Variants in SGCD observed in about 807,000 individuals in gnomAD.
The protein encoded by SGCD is sarcoglycan delta.
SGCD carries 18 observed loss-of-function variants against 36.6 expected under a neutral mutation model. That is an observed-to-expected ratio of 0.49 (90% CI 0.34 to 0.73). The LOEUF (loss-of-function observed/expected upper bound fraction) is 0.73. SGCD is among the 30% of genes least tolerant of loss of function. The pLI is 0.01. For synonymous variants in SGCD, 133 were observed against 130.6 expected, an observed-to-expected ratio of 1.02 and a Z score of -0.12; for missense variants, 387 against 346.7, an observed-to-expected ratio of 1.12 and a Z score of -0.92.
intron 1 of SGCD, among the ~76,000 whole-genome samples, chr5:155,945,843 G>C (rs899736073): frequency 6.6e-6 from 1 of 152,136 alleles, no homozygotes; most frequent in Non-Finnish European, 1.5e-5. Flanking sequence ...GGAGCGACTT[G>C]TTGTGATTTG....
chr5:156,284,864 T>G (rs946005788), intron 3 of SGCD, among the ~76,000 whole-genome samples: 1 of 152,060 alleles, frequency 6.6e-6, no homozygotes, highest in African/African-American at 2.4e-5. Context: ...ATTCAATTAG[T>G]AAAAAAGGAA....
Position 156,005,918 on chromosome 5 carries a change from A to C in SGCD, c.-281-111960A>C, listed in dbSNP as rs75318222. Reference sequence around the variant, plus strand: ...GGCACAAGCAGTGTTTTAAGGGCATAGACTTTAGTGCCAGATGGGTGGCCT... The same window carrying C: ...GGCACAAGCAGTGTTTTAAGGGCATCGACTTTAGTGCCAGATGGGTGGCCT... On this transcript the variant is annotated intron_variant, in intron 1 of 9. Coordinates refer to the SGCD transcript ENST00000517913. 7.4e-3 allele frequency among the ~76,000 whole-genome samples: 1,120 copies of C among 152,344 alleles called. 13 individuals are homozygous for C. The highest frequency in any genetic ancestry group is 0.026 in the African/African-American group (1,074 of 41,586).
At chr5:156,643,189 C>T (rs1382687683) in intron 6 of SGCD, among the ~76,000 whole-genome samples, 3 of 151,936 alleles carry the variant, frequency 2.0e-5, no homozygotes, top group Admixed American at 6.6e-5. Context: ...TGCACCACCA[C>T]GCCCGGCTAA....
the SGCD span, among the ~76,000 whole-genome samples, chr5:155,731,278 G>A: frequency 6.6e-6 from 1 of 151,674 alleles, no homozygotes; most frequent in Non-Finnish European, 1.5e-5. Flanking sequence ...AGAAAGGGAT[G>A]GAAGGGAAAA....
intron 3 of SGCD, among the ~76,000 whole-genome samples, chr5:156,217,892 TA>T (rs1286001233): frequency 1.3e-5 from 2 of 152,176 alleles, no homozygotes; most frequent in African/African-American, 4.8e-5. Context: ...TCTTTCATTA[TA>T]AAAATCATGG....
rs185571493 is a variant in SGCD at position 156,583,347 on chromosome 5, A to T, written c.295-5884A>T. ...TCAGTAAATGGCTGTTGCCTCTCCA[A>T]TTGCCAAGCAACACGAGGATTATCC... is the stretch of plus-strand genomic sequence containing the variant. On this transcript the variant is annotated intron_variant, in intron 4 of 8. Coordinates refer to ENST00000337851, the MANE Select transcript of SGCD (RefSeq NM_000337.6). 1.6e-4 allele frequency among the ~76,000 whole-genome samples: 24 copies of T among 152,264 alleles called. No homozygotes were observed. In the East Asian group the frequency reaches 4.4e-3, roughly 28 times the overall value.
intron 4 of SGCD, among the ~76,000 whole-genome samples, chr5:156,586,127 G>A (rs1006012606): frequency 6.6e-6 from 1 of 151,136 alleles, no homozygotes; most frequent in Admixed American, 6.6e-5. Context: ...ACCACCTTAT[G>A]TATAGCTCTC....
chr5:155,757,505 C>T, the SGCD span, among the ~76,000 whole-genome samples: 1 of 152,114 alleles, frequency 6.6e-6, no homozygotes, highest in East Asian at 1.9e-4. Context: ...ACTCAAGTGC[C>T]TTGTTTAGCC....
intron 3 of SGCD, among the ~76,000 whole-genome samples, chr5:156,413,135 A>G (rs1305560270): frequency 6.6e-6 from 1 of 152,114 alleles, no homozygotes; most frequent in Non-Finnish European, 1.5e-5. Flanking sequence ...ACACAGCCTT[A>G]TAGAGTAAAA....
intron 1 of SGCD, among the ~76,000 whole-genome samples, chr5:156,016,230 G>T (rs1200562903): frequency 6.6e-6 from 1 of 151,990 alleles, no homozygotes; most frequent in African/African-American, 2.4e-5. Flanking sequence ...AAAAGTTCAA[G>T]ATTTCATTTC....
intron 6 of SGCD, among the ~76,000 whole-genome samples, chr5:156,601,872 C>CA (rs565326814): frequency 1.3e-5 from 2 of 151,926 alleles, no homozygotes; most frequent in African/African-American, 4.8e-5. Flanking sequence ...TTAGTAGAGA[C>CA]GGGTTTCACC....
intron 1 of SGCD, among the ~76,000 whole-genome samples, chr5:156,025,003 G>C (rs137855900): frequency 7.2e-5 from 11 of 151,858 alleles, no homozygotes; most frequent in Non-Finnish European, 4.4e-5. Flanking sequence ...TGGCCAATAA[G>C]TTGAGGAAAC....
At chr5:156,757,946 T>C (rs1757403586) in intron 8 of SGCD, 2 of 1,270,528 alleles carry the variant, frequency 1.6e-6, no homozygotes, top group Non-Finnish European at 2.0e-6. Context: ...TACAGAATTA[T>C]ATGACCATGA....
chr5:156,236,355 A>G (rs1449321130), intron 3 of SGCD, among the ~76,000 whole-genome samples: 1 of 152,176 alleles, frequency 6.6e-6, no homozygotes, highest in Non-Finnish European at 1.5e-5. Context: ...ACAATTCACT[A>G]TTCTACCACC....
chr5:156,144,573 G>T (rs1332886269), intron 3 of SGCD, among the ~76,000 whole-genome samples: 2 of 152,140 alleles, frequency 1.3e-5, no homozygotes, highest in Admixed American at 6.5e-5. Context: ...TCGCCCACTT[G>T]TTGATGGGGT....
At chr5:156,142,373 A>G (rs1762603340) in intron 3 of SGCD, among the ~76,000 whole-genome samples, 2 of 152,200 alleles carry the variant, frequency 1.3e-5, no homozygotes, top group Admixed American at 6.5e-5. Context: ...AATTGGTATC[A>G]AGAAGTGGGG....
At chr5:156,092,096 A>T (rs940593143) in intron 1 of SGCD, among the ~76,000 whole-genome samples, 1 of 152,206 alleles carries the variant, frequency 6.6e-6, no homozygotes, top group Non-Finnish European at 1.5e-5. Flanking sequence ...ATGCCTGTTG[A>T]CATTCATTTG....
chr5:156,004,424 C>G (rs1312061399), intron 1 of SGCD, among the ~76,000 whole-genome samples: 1 of 152,092 alleles, frequency 6.6e-6, no homozygotes, highest in Non-Finnish European at 1.5e-5. Context: ...GTGTTCCTAG[C>G]ATTATGTGAG....
chr5:156,392,253 T>A (rs1211948799), intron 3 of SGCD, among the ~76,000 whole-genome samples: 2 of 152,164 alleles, frequency 1.3e-5, no homozygotes, highest in African/African-American at 4.8e-5. Flanking sequence ...AGAAATAAAG[T>A]GGTGAAGAAT....
Sources: allele counts gnomAD v4.1 joint callset (sites outside exome capture counted in the v4.1 genomes callset), GRCh38; gene constraint gnomAD v4.1.1; transcripts MANE v1.5; gene names NCBI Gene and HGNC (gene_info 2026-07-23, HGNC 2026-07-21).